The following CYP8B1 variants were observed in gnomAD, a reference collection of about 807,000 sequenced individuals.
The protein encoded by CYP8B1 is cytochrome P450 family 8 subfamily B member 1.
For missense variants in CYP8B1, 594 were observed against 643.7 expected, an observed-to-expected ratio of 0.92 and a Z score of 0.84; for synonymous variants, 221 against 251.2, an observed-to-expected ratio of 0.88 and a Z score of 1.14.
At position 42,875,818 on chromosome 3, in the gene CYP8B1, G is replaced by T; in HGVS notation, c.-2C>A. ...CAGCACTGGACCCCAGAGAACCATG[G>T]CTATGCTCCTGCGGATTAAGCTCTC... is the stretch of plus-strand genomic sequence containing the variant. On this transcript the variant is annotated 5_prime_UTR_variant, in exon 1 of 1. Coordinates refer to ENST00000316161, the MANE Select transcript of CYP8B1 (RefSeq NM_004391.3). 7.4e-7 allele frequency: 1 copy of T among 1,355,002 alleles called. No homozygotes were observed. The highest frequency in any genetic ancestry group is 1.5e-5 in the African/African-American group (1 of 67,298). 83.9% of individuals were successfully genotyped at this position (1,355,002 alleles called of 1,614,324 possible).
Position 42,873,352 on chromosome 3 carries a change from A to C in CYP8B1, c.*959T>G, listed in dbSNP as rs2088487845. 6.6e-6 allele frequency: 1 copy of C among 151,704 alleles called. No homozygotes were observed. The highest frequency in any genetic ancestry group is 1.5e-5 in the Non-Finnish European group (1 of 67,996). 9.4% of individuals were successfully genotyped at this position (151,704 alleles called of 1,614,324 possible). ...CAACAGAGTGAGACTCTGTCTCAAA[A>C]AAAAAAAAAGGTATCATTTCTCTAG... On this transcript the variant is annotated 3_prime_UTR_variant, in exon 1 of 1. Coordinates refer to ENST00000316161, the MANE Select transcript of CYP8B1 (RefSeq NM_004391.3).
In CYP8B1 at chr3:42,874,488, C is replaced by G. The variant is rs762568062; in HGVS notation, c.1329G>C (p.Arg443Ser). 2 of 1,614,100 alleles carry G rather than the reference C, an allele frequency of 1.2e-6. No homozygotes were observed. Among genetic ancestry groups the G allele is most frequent in the Admixed American group, 3.3e-5 (2 of 60,022 alleles). The change falls in exon 1 of 1, where the codon AGG becomes AGC. Residue 443 changes from arginine to serine, a missense_variant. By Grantham distance (110) the Arg-to-Ser change is moderately radical (BLOSUM62 -1). Coordinates refer to ENST00000316161, the MANE Select transcript of CYP8B1 (RefSeq NM_004391.3). ...GCTTCACCTCACTGAGTGCAAAGAA[C>G]CTCCCAGGGCAGATGGAAACGCCCG... ...WGSGVSICPG[R>S]FFALSEVKLF...
In CYP8B1 at chr3:42,875,647, A is replaced by G; in HGVS notation, c.170T>C (p.Leu57Pro). 1 of 1,482,348 alleles carries G rather than the reference A, an allele frequency of 6.7e-7. No homozygotes were observed. The highest frequency in any genetic ancestry group is 9.0e-7 in the Non-Finnish European group (1 of 1,117,018). The allele number at this position is 1,482,348 out of a possible 1,614,324, so 91.8% of individuals were successfully genotyped here. A position where few individuals can be genotyped will look rare whatever the true frequency, so the allele number is the denominator to read the frequency against. ...CCCATGCTTGGTCCTCATGCGCTTC[A>G]GAAATTCAAACATATTCTTCCGGAA... ...MAFRKNMFEF[L>P]KRMRTKHGDV... Residue 57 changes from leucine (L) to proline (P), a missense_variant, in exon 1 of 1, where the codon CTG becomes CCG. Leu to Pro is a moderately conservative substitution (Grantham distance 98). Coordinates refer to ENST00000316161, the MANE Select transcript of CYP8B1 (RefSeq NM_004391.3).
Position 42,875,218 on chromosome 3 carries a change from C to T in CYP8B1, c.599G>A (p.Gly200Glu), listed in dbSNP as rs867252206. ...CTTGCGGAACTCCATGAATAACTCT[C>T]CTGCCTGTAGCAGGTCCTGCTCCTT... ...KDKEQDLLQA[G>E]ELFMEFRKFD... Residue 200 changes from glycine to glutamate, a missense_variant, in exon 1 of 1, where the codon GGA (glycine) becomes GAA (glutamate). Gly to Glu is a moderately conservative substitution (Grantham distance 98). Coordinates refer to ENST00000316161, the MANE Select transcript of CYP8B1 (RefSeq NM_004391.3). 4.4e-6 allele frequency: 7 copies of T among 1,590,026 alleles called. No homozygotes were observed. In the African/African-American group the frequency reaches 9.4e-5, roughly 21 times the overall value.
In CYP8B1 at chr3:42,875,369, C is replaced by G; in HGVS notation, c.448G>C (p.Val150Leu). The G allele has an allele frequency of 6.2e-7, 1 of 1,614,158 alleles. No homozygotes were observed. The highest frequency in any genetic ancestry group is 1.3e-5 in the African/African-American group (1 of 75,056). ...CTCCAGCCTTTGGACGTCAGCATTACAAAGGACAGGCTGTCCAGCATGGTC... is the reference window on the plus strand; with the variant it reads ...CTCCAGCCTTTGGACGTCAGCATTAGAAAGGACAGGCTGTCCAGCATGGTC... The part of the protein sequence containing the change: ...NETMLDSLSF[V>L]MLTSKGWSLD... The change falls in exon 1 of 1, where the codon GTA (valine) becomes CTA (leucine). Residue 150 changes from valine (V) to leucine (L), a missense_variant. Coordinates refer to ENST00000316161, the MANE Select transcript of CYP8B1 (RefSeq NM_004391.3).
In CYP8B1 at chr3:42,874,526, T is replaced by G. The variant is rs768964905; in HGVS notation, c.1291A>C (p.Met431Leu). ...KTGKKIHHYT[M>L]PWGSGVSICP... ...ATGGAAACGCCCGAACCCCAGGGCA[T>G]GGTGTAGTGGTGGATCTTCTTGCCT... Residue 431 changes from methionine (M) to leucine (L), a missense_variant, in exon 1 of 1, where the codon ATG becomes CTG. Coordinates refer to ENST00000316161, the MANE Select transcript of CYP8B1 (RefSeq NM_004391.3). The G allele has an allele frequency of 6.2e-7, 1 of 1,614,002 alleles. No homozygotes were observed.
In CYP8B1 at chr3:42,874,422, C is replaced by A. The variant is rs1225587966; in HGVS notation, c.1395G>T (p.Leu465Phe). ...LLMVTHFDLE[L>F]VDPDTPLPHV... ...GGGGTAGTGGTGTGTCAGGGTCCAC[C>A]AACTCTAAGTCAAAGTGTGTGACCA... Residue 465 changes from leucine (L) to phenylalanine (F), a missense_variant, in exon 1 of 1, where the codon TTG (leucine) becomes TTT (phenylalanine). Coordinates refer to ENST00000316161, the MANE Select transcript of CYP8B1 (RefSeq NM_004391.3). 6.2e-7 allele frequency: 1 copy of A among 1,614,076 alleles called. No homozygotes were observed. Among genetic ancestry groups the A allele is most frequent in the Non-Finnish European group, 8.5e-7 (1 of 1,180,008 alleles).
At position 42,875,152 on chromosome 3, in the gene CYP8B1, C is replaced by T. The variant is rs748185772; in HGVS notation, c.665G>A (p.Trp222Ter). The T allele has an allele frequency of 4.3e-6, 7 of 1,611,814 alleles. No individual in the cohort carries two copies. The Admixed American group carries it at 1.0e-4, about 23-fold the overall frequency. Residue 222 changes from tryptophan to a stop codon, truncating the protein, a stop_gained, in exon 1 of 1, where the codon TGG (tryptophan) becomes TAG (stop). Transcript: ENST00000316161. LOFTEE classifies it low-confidence loss of function (END_TRUNC). ...GCCCACTTCTAGCCACTCCCGGGGC[C>T]ACAGCAGGGAGTAGACAAACCTTGG... is the stretch of plus-strand genomic sequence containing the variant. ...LFPRFVYSLL[W>*]PREWLEVGRL...
At position 42,874,312 on chromosome 3, in the gene CYP8B1, C is replaced by T; in HGVS notation, c.1505G>A (p.Ter502=). The T allele has an allele frequency of 6.2e-7, 1 of 1,613,168 alleles. No individual in the cohort carries two copies. Among genetic ancestry groups the T allele is most frequent in the African/African-American group, 1.3e-5 (1 of 75,032 alleles). Reference sequence around the variant, plus strand: ...GGTTTGCAGCTGGCTTGGCCAAGCTCACTCTGTAGGATGCAGGCGGTAGCG... The same window carrying T: ...GGTTTGCAGCTGGCTTGGCCAAGCTTACTCTGTAGGATGCAGGCGGTAGCG... ...RFRYRLHPTE[*] The change falls in exon 1 of 1, where the codon TGA becomes TAA. Residue 502 remains the stop codon, a stop_retained_variant. Coordinates refer to ENST00000316161, the MANE Select transcript of CYP8B1 (RefSeq NM_004391.3).
rs2088491875 is a variant in CYP8B1 at position 42,873,873 on chromosome 3, G to C, written c.*438C>G. On this transcript the variant is annotated 3_prime_UTR_variant, in exon 1 of 1. Coordinates refer to ENST00000316161, the MANE Select transcript of CYP8B1 (RefSeq NM_004391.3). Reference sequence around the variant, plus strand: ...CTTCATATTTATGTTGGATGACACTGTTCTAGAACCTGAATTCCATAGGAT... The same window carrying C: ...CTTCATATTTATGTTGGATGACACTCTTCTAGAACCTGAATTCCATAGGAT... The C allele has an allele frequency of 5.0e-6, 1 of 198,226 alleles. No individual in the cohort carries two copies. Among genetic ancestry groups the C allele is most frequent in the African/African-American group, 2.3e-5 (1 of 42,588 alleles). 12.3% of individuals were successfully genotyped at this position (198,226 alleles called of 1,614,324 possible).
rs1392995301 is a variant in CYP8B1 at position 42,874,564 on chromosome 3, T to C, written c.1253A>G (p.Asp418Gly). 6.2e-7 allele frequency: 1 copy of C among 1,614,006 alleles called. No individual in the cohort carries two copies. Among genetic ancestry groups the C allele is most frequent in the East Asian group, 2.2e-5 (1 of 44,864 alleles). Residue 418 changes from aspartate to glycine, a missense_variant, in exon 1 of 1, where the codon GAC becomes GGC. By Grantham distance (94) the Asp-to-Gly change is moderately conservative (BLOSUM62 -1). Coordinates refer to ENST00000316161, the MANE Select transcript of CYP8B1 (RefSeq NM_004391.3). The stretch of plus-strand genomic sequence containing the variant: ...GATCTTCTTGCCTGTCTTGAAGAAG[T>C]CCACTTTCCGGCTGCCATTAGGGTT... ...FLNPNGSRKV[D>G]FFKTGKKIHH...
chr3:42,873,983 G>C lies in CYP8B1; in HGVS notation c.*328C>G, dbSNP rs79670156. 8.8e-5 allele frequency: 28 copies of C among 319,372 alleles called. No homozygotes were observed. Among genetic ancestry groups the C allele is most frequent in the Middle Eastern group, 9.2e-4 (1 of 1,092 alleles). 19.8% of individuals were successfully genotyped at this position (319,372 alleles called of 1,614,324 possible). A position where few individuals can be genotyped will look rare whatever the true frequency, so the allele number is the denominator to read the frequency against. On this transcript the variant is annotated 3_prime_UTR_variant, in exon 1 of 1. Transcript: ENST00000316161. ...CAAGATGCCATGTTACTCGTGTCTG[G>C]GGGGAACCAGTCTCTGTACTCAGGA...
rs764572567 is a variant in CYP8B1 at position 42,874,397 on chromosome 3, G to T, written c.1420C>A (p.His474Asn). The T allele has an allele frequency of 1.2e-6, 2 of 1,614,126 alleles. No individual in the cohort carries two copies. Among genetic ancestry groups the T allele is most frequent in the Admixed American group, 1.7e-5 (1 of 60,014 alleles). Reference sequence around the variant, plus strand: ...AAACCCCAGCGCTGCGGGTCAACATGGGGTAGTGGTGTGTCAGGGTCCACC... The same window carrying T: ...AAACCCCAGCGCTGCGGGTCAACATTGGGTAGTGGTGTGTCAGGGTCCACC... Reference protein sequence around the residue: ...ELVDPDTPLPHVDPQRWGFGT... With the variant: ...ELVDPDTPLPNVDPQRWGFGT... The change falls in exon 1 of 1, where the codon CAT becomes AAT. Residue 474 changes from histidine (H) to asparagine (N), a missense_variant. Coordinates refer to ENST00000316161, the MANE Select transcript of CYP8B1 (RefSeq NM_004391.3).
In CYP8B1 at chr3:42,874,925, G is replaced by C. The variant is rs556341607; in HGVS notation, c.892C>G (p.Leu298Val). The change falls in exon 1 of 1, where the codon CTC becomes GTC. Residue 298 changes from leucine (L) to valine (V), a missense_variant. Coordinates refer to ENST00000316161, the MANE Select transcript of CYP8B1 (RefSeq NM_004391.3). ...GPTSFWALLY[L>V]LKHPEAIRAV... is the part of the protein sequence containing the mutation. ...CGAATAGCTTCTGGGTGCTTCAGGA[G>C]GTACAAGAGGGCCCAGAAAGAGGTA... The C allele has an allele frequency of 5.6e-6, 9 of 1,606,600 alleles. No individual in the cohort carries two copies. In the South Asian group the frequency reaches 8.9e-5, roughly 16 times the overall value.
Position 42,874,720 on chromosome 3 carries a change from A to T in CYP8B1, c.1097T>A (p.Leu366Gln). ...ATACTCCTGCCCACTGGACATCTTC[A>T]GGGTATAGTCTTCATGAACCAACCT... The part of the protein sequence containing the change: ...LLRLVHEDYT[L>Q]KMSSGQEYLF... The change falls in exon 1 of 1, where the codon CTG becomes CAG. Residue 366 changes from leucine (L) to glutamine (Q), a missense_variant. By Grantham distance (113) the Leu-to-Gln change is moderately radical (BLOSUM62 -2). Coordinates refer to ENST00000316161, the MANE Select transcript of CYP8B1 (RefSeq NM_004391.3). The T allele has an allele frequency of 6.2e-7, 1 of 1,614,096 alleles. No individual in the cohort carries two copies. Among genetic ancestry groups the T allele is most frequent in the Middle Eastern group, 1.6e-4 (1 of 6,062 alleles).
chr3:42,874,855 A>AT lies in CYP8B1; in HGVS notation c.961_962insA (p.Leu321HisfsTer42). ...GAAGGCAAAGGACTGCTTGGTCTCC[A>AT]GCCTGGCCTCACCCAGGACCTGGGT... On this transcript the variant is annotated frameshift_variant, in exon 1 of 1. Coordinates refer to ENST00000316161, the MANE Select transcript of CYP8B1 (RefSeq NM_004391.3). LOFTEE classifies it low-confidence loss of function (END_TRUNC). 1 of 1,603,378 alleles carries AT rather than the reference A, an allele frequency of 6.2e-7. No homozygotes were observed. The highest frequency in any genetic ancestry group is 8.5e-7 in the Non-Finnish European group (1 of 1,173,508).
Position 42,874,773 on chromosome 3 carries a change from C to T in CYP8B1, c.1044G>A (p.Leu348=), listed in dbSNP as rs1260769708. The change falls in exon 1 of 1, where the codon CTG becomes CTA. Residue 348 remains leucine, a synonymous_variant. Transcript: ENST00000316161. The part of the protein sequence containing the change: ...PVLDSVVEET[L]RLRAAPTLLR... The stretch of plus-strand genomic sequence containing the variant: ...GGAGGGTGGGTGCAGCCCTCAGCCG[C>T]AGCGTCTCCTCCACCACGCTGTCTA... 3 of 1,614,012 alleles carry T rather than the reference C, an allele frequency of 1.9e-6. No individual in the cohort carries two copies. The highest frequency in any genetic ancestry group is 4.5e-5 in the East Asian group (2 of 44,884).
Position 42,875,386 on chromosome 3 carries a change from A to G in CYP8B1, c.431T>C (p.Leu144Pro). Residue 144 changes from leucine to proline, a missense_variant, in exon 1 of 1, where the codon CTG (leucine) becomes CCG (proline). Transcript: ENST00000316161. The stretch of plus-strand genomic sequence containing the variant: ...CAGCATTACAAAGGACAGGCTGTCC[A>G]GCATGGTCTCATTAAGATCCTTCAA... The part of the protein sequence containing the change: ...DGLKDLNETM[L>P]DSLSFVMLTS... The G allele has an allele frequency of 6.2e-7, 1 of 1,614,214 alleles. No homozygotes were observed. Among genetic ancestry groups the G allele is most frequent in the Non-Finnish European group, 8.5e-7 (1 of 1,180,036 alleles).
chr3:42,874,686 G>C lies in CYP8B1; in HGVS notation c.1131C>G (p.Arg377=). The C allele has an allele frequency of 1.2e-6, 2 of 1,613,554 alleles. No homozygotes were observed. The highest frequency in any genetic ancestry group is 1.7e-6 in the Non-Finnish European group (2 of 1,179,834). Residue 377 remains arginine (R), a synonymous_variant, in exon 1 of 1, where the codon CGC becomes CGG. Transcript: ENST00000316161. The stretch of plus-strand genomic sequence containing the variant: ...GAAAGAGGGCCAGGATGTCTCCATG[G>C]CGGAACAGATACTCCTGCCCACTGG... The part of the protein sequence containing the change: ...KMSSGQEYLF[R]HGDILALFPY...
Sources: allele counts gnomAD v4.1 joint callset, GRCh38; gene constraint gnomAD v4.1.1; transcripts MANE v1.5; gene names NCBI Gene and HGNC (gene_info 2026-07-23, HGNC 2026-07-21).